ARL8B: variants seen among roughly 807,000 people sequenced by gnomAD.
The protein encoded by ARL8B is ARF like GTPase 8B.
A neutral mutation model predicts 30.6 loss-of-function variants in ARL8B; 9 were observed. The observed-to-expected ratio is 0.29, with a 90% CI of 0.18 to 0.51. The LOEUF (loss-of-function observed/expected upper bound fraction) is 0.51. ARL8B is among the 20% of genes least tolerant of loss of function. The pLI, the probability that ARL8B is intolerant of heterozygous loss-of-function variation, is 0.97. For synonymous variants in ARL8B, 74 were observed against 76.0 expected, an observed-to-expected ratio of 0.97 and a Z score of 0.14; for missense variants, 130 against 227.2, an observed-to-expected ratio of 0.57 and a Z score of 2.75.
At position 5,130,188 on chromosome 3, in the gene ARL8B, A is replaced by G. The variant is rs1053712381; in HGVS notation, c.123+7600A>G. 2.4e-5 allele frequency among the ~76,000 whole-genome samples: 3 copies of G among 122,950 alleles called. No individual in the cohort carries two copies. The East Asian group carries it at 6.4e-4, about 26-fold the overall frequency. 80.7% of individuals were successfully genotyped at this position (122,950 alleles called of 152,430 possible). On this transcript the variant is annotated intron_variant, in intron 1 of 6. Transcript: ENST00000256496. ...CAAGGTCATATTCTCTTAAAAAAAAATATATATTTTTTTTTTGTAGAGACT... is the reference window on the plus strand; with the variant it reads ...CAAGGTCATATTCTCTTAAAAAAAAGTATATATTTTTTTTTTGTAGAGACT...
intron 1 of ARL8B, among the ~76,000 whole-genome samples, chr3:5,155,024 T>C (rs2054519863): frequency 6.6e-6 from 1 of 152,236 alleles, no homozygotes; most frequent in African/African-American, 2.4e-5. Context: ...CCTGAGCTCC[T>C]GGGCTTGGCC....
intron 1 of ARL8B, among the ~76,000 whole-genome samples, chr3:5,135,756 C>CTGTTAT (rs1553578089): frequency 7.9e-6 from 1 of 126,910 alleles, no homozygotes; most frequent in Non-Finnish European, 1.6e-5. Context: ...CGCACCTGGC[C>CTGTTAT]TATTATTATT....
At chr3:5,161,527 A>C (rs910079653) in intron 1 of ARL8B, among the ~76,000 whole-genome samples, 1 of 152,224 alleles carries the variant, frequency 6.6e-6, no homozygotes, top group Admixed American at 6.5e-5. Flanking sequence ...GTTCGGGAGC[A>C]GGAAAGAAGA....
At chr3:5,147,684 CT>C (rs1408169220) in intron 1 of ARL8B, among the ~76,000 whole-genome samples, 3 of 152,058 alleles carry the variant, frequency 2.0e-5, no homozygotes, top group African/African-American at 7.2e-5. Flanking sequence ...TTACAAAGAC[CT>C]TCTGAGCTTC....
At chr3:5,145,829 C>G (rs1305650801) in intron 1 of ARL8B, among the ~76,000 whole-genome samples, 1 of 59,774 alleles carries the variant, frequency 1.7e-5, no homozygotes, top group African/African-American at 1.9e-4. Flanking sequence ...AAAGGTAGAC[C>G]CCTCTATTCC....
At chr3:5,137,669 C>G (rs1490871355) in intron 1 of ARL8B, among the ~76,000 whole-genome samples, 2 of 152,256 alleles carry the variant, frequency 1.3e-5, no homozygotes, top group South Asian at 2.1e-4. Flanking sequence ...AACTCCTGAT[C>G]TCAAATGATC....
chr3:5,162,037 TA>T (rs1281395404), intron 1 of ARL8B, among the ~76,000 whole-genome samples: 1 of 152,234 alleles, frequency 6.6e-6, no homozygotes, highest in Non-Finnish European at 1.5e-5. Context: ...TAGGTGTTTG[TA>T]AATCAGTTTG....
chr3:5,144,497 T>C (rs144178776), intron 1 of ARL8B, among the ~76,000 whole-genome samples: 21 of 152,328 alleles, frequency 1.4e-4, no homozygotes, highest in Non-Finnish European at 2.5e-4. Context: ...GGGGTCCCCA[T>C]TGACTCCCTT....
At chr3:5,172,441 G>A (rs2270750) in intron 3 of ARL8B, among the ~76,000 whole-genome samples, 59,703 of 152,028 alleles carry the variant, frequency 0.39, 13,482 homozygotes, top group African/African-American at 0.64. Context: ...GCTAAGGGGT[G>A]TACATGTTTT....
chr3:5,162,910 C>G (rs923180961), intron 1 of ARL8B, among the ~76,000 whole-genome samples: 1 of 151,880 alleles, frequency 6.6e-6, no homozygotes, highest in African/African-American at 2.4e-5. Flanking sequence ...AGTCCTTACT[C>G]TCTCCCCACT....
chr3:5,160,065 C>T lies in ARL8B; in HGVS notation c.124-10438C>T, dbSNP rs546988046. On this transcript the variant is annotated intron_variant, in intron 1 of 6. Coordinates refer to ENST00000256496, the MANE Select transcript of ARL8B (RefSeq NM_018184.3). ...GAACCCCACACAGCCTGCATGTGAACGGTAATCATCTTTTTATATAAAAAT... is the reference window on the plus strand; with the variant it reads ...GAACCCCACACAGCCTGCATGTGAATGGTAATCATCTTTTTATATAAAAAT... Among the ~76,000 whole-genome samples the T allele has an allele frequency of 3.3e-4, 50 of 152,202 alleles. 1 individual carries two copies. The highest frequency in any genetic ancestry group is 5.0e-4 in the Non-Finnish European group (34 of 68,006).
intron 1 of ARL8B, among the ~76,000 whole-genome samples, chr3:5,130,152 C>G (rs2054269292): frequency 6.6e-6 from 1 of 151,974 alleles, no homozygotes; most frequent in Non-Finnish European, 1.5e-5. Flanking sequence ...GCGTGAGCCA[C>G]TGCACCTGAC....
At chr3:5,174,547 A>G in intron 6 of ARL8B, 133 bp downstream of exon 6, 1 of 616,396 alleles carries the variant, frequency 1.6e-6, no homozygotes, top group Non-Finnish European at 2.8e-6. Flanking sequence ...GCCTGAGAAA[A>G]AAGAATAGAC....
At chr3:5,149,724 G>T (rs2054462929) in intron 1 of ARL8B, among the ~76,000 whole-genome samples, 1 of 152,104 alleles carries the variant, frequency 6.6e-6, no homozygotes. Context: ...GACCTTCTAG[G>T]TGCATGAGCT....
intron 1 of ARL8B, among the ~76,000 whole-genome samples, chr3:5,162,987 C>CTTTTTTTTTTTT (rs58230539): frequency 2.4e-5 from 3 of 125,832 alleles, no homozygotes; most frequent in African/African-American, 9.6e-5. Flanking sequence ...TTAGCTCCCA[C>CTTTTTTTTTTTT]TTTTTTTTTT....
chr3:5,176,745 A>G (rs2054733268), intron 6 of ARL8B, among the ~76,000 whole-genome samples: 1 of 152,176 alleles, frequency 6.6e-6, no homozygotes, highest in African/African-American at 2.4e-5. Flanking sequence ...ACTTTATTTA[A>G]AAGTTTTTTC....
At chr3:5,130,083 C>T (rs781629758) in intron 1 of ARL8B, among the ~76,000 whole-genome samples, 2 of 152,068 alleles carry the variant, frequency 1.3e-5, no homozygotes, top group Admixed American at 1.3e-4. Context: ...AGGCTGACCT[C>T]GAACTCCTGA....
intron 1 of ARL8B, among the ~76,000 whole-genome samples, chr3:5,133,410 G>A (rs2054300104): frequency 6.6e-6 from 1 of 152,158 alleles, no homozygotes; most frequent in Non-Finnish European, 1.5e-5. Flanking sequence ...AGACATTGAG[G>A]GAGACAGTTG....
At chr3:5,131,692 A>G (rs935577612) in intron 1 of ARL8B, among the ~76,000 whole-genome samples, 4 of 152,118 alleles carry the variant, frequency 2.6e-5, no homozygotes, top group African/African-American at 9.7e-5. Flanking sequence ...CACCCAGCCT[A>G]CCCGTTTCTT....
Sources: gnomAD v4.1 joint callset for allele counts (sites outside exome capture counted in the v4.1 genomes callset) on GRCh38, gnomAD v4.1.1 for gene constraint, MANE v1.5 for transcripts, NCBI Gene and HGNC (gene_info 2026-07-23, HGNC 2026-07-21) for gene names.